Variants in DOCK10 observed in about 807,000 individuals in gnomAD.
DOCK10 encodes the protein dedicator of cytokinesis 10, also known as dedicator of cytokinesis protein 10.
Under a neutral mutation model 280.1 loss-of-function variants are expected in DOCK10, and 145 were observed. The observed-to-expected ratio is 0.52, with a 90% CI of 0.45 to 0.59. DOCK10 has a LOEUF of 0.59. Among genes scored for constraint, DOCK10 ranks in the 20% least tolerant of loss-of-function variants. The probability of loss-of-function intolerance (pLI) is 0.00; values close to 1 mark genes in which losing one functional copy is unlikely to be tolerated. For synonymous variants in DOCK10, 915 were observed against 942.2 expected (o/e 0.97, Z 0.53); for missense variants, 2,368 against 2,651.7 (o/e 0.89, Z 2.35).
At chr2:225,041,244 T>C (rs577430778) in intron 1 of DOCK10, among the ~76,000 whole-genome samples, 2 of 152,276 alleles carry the variant, frequency 1.3e-5, no homozygotes, top group East Asian at 1.9e-4. Flanking sequence ...AGCCGTTTAG[T>C]TCCTAATGAT....
intron 1 of DOCK10, among the ~76,000 whole-genome samples, chr2:224,956,850 T>G (rs995679116): frequency 3.3e-5 from 5 of 152,146 alleles, no homozygotes; most frequent in African/African-American, 2.4e-5. Context: ...CTTTTCCTAA[T>G]GTATACTCAG....
At chr2:224,817,855 G>T (rs947051022) in intron 29 of DOCK10, among the ~76,000 whole-genome samples, 1 of 152,182 alleles carries the variant, frequency 6.6e-6, no homozygotes, top group African/African-American at 2.4e-5. Flanking sequence ...GACGTGAAAG[G>T]CTGTAAGAAT....
intron 31 of DOCK10, among the ~76,000 whole-genome samples, chr2:224,812,037 C>T (rs901914158): frequency 1.2e-4 from 18 of 152,164 alleles, no homozygotes; most frequent in African/African-American, 4.3e-4. Context: ...TCATTGGTAG[C>T]TTGATGGGGA....
chr2:225,033,245 T>C (rs6711620), intron 1 of DOCK10, among the ~76,000 whole-genome samples: 42,754 of 151,788 alleles, frequency 0.28, 6,616 homozygotes, highest in African/African-American at 0.4. Flanking sequence ...TGCAGTGGCA[T>C]GATCTCAGCT....
Position 225,028,709 on chromosome 2 carries a change from G to A in DOCK10, c.123+13543C>T, listed in dbSNP as rs140480869. Among the ~76,000 whole-genome samples, 935 of 152,246 alleles carry A rather than the reference G, an allele frequency of 6.1e-3. 12 individuals are homozygous for A. The highest frequency in any genetic ancestry group is 0.022 in the African/African-American group (905 of 41,532). On this transcript the variant is annotated intron_variant, in intron 1 of 55. Transcript: ENST00000258390. ...AGTAATTCTGATCACTAGACTTTTG[G>A]CATAATGTCAGCTTACGAAAACAGC...
chr2:224,807,924 C>T lies in DOCK10; in HGVS notation c.3572G>A (p.Arg1191Gln), dbSNP rs367804674. Reference sequence around the variant, plus strand: ...AAGATCACTTACTGGCTCTCTGTATCGATCATCAAATGAATGCTTAGCCAT... The same window carrying T: ...AAGATCACTTACTGGCTCTCTGTATTGATCATCAAATGAATGCTTAGCCAT... ...NLMAKHSFDDRYREPRKQAQI... is the reference protein window; with the variant it reads ...NLMAKHSFDDQYREPRKQAQI... Residue 1191 changes from arginine (R) to glutamine (Q), a missense_variant, in exon 32 of 56, where the codon CGA (arginine) becomes CAA (glutamine). Around this residue, in one of 2 missense-constraint regions of DOCK10, gnomAD observed 1,159 missense variants for 1,400.8 expected, o/e 0.83. Transcript: ENST00000258390. 2.4e-5 allele frequency: 38 copies of T among 1,611,822 alleles called. No homozygotes were observed. The highest frequency in any genetic ancestry group is 2.9e-5 in the Non-Finnish European group (34 of 1,178,812).
In DOCK10 at chr2:225,031,251, C is replaced by T. The variant is rs554743855; in HGVS notation, c.123+11001G>A. On this transcript the variant is annotated intron_variant, in intron 1 of 55. Transcript: ENST00000258390. Reference sequence around the variant, plus strand: ...GGAAGTGGTGAAAGGTTATCTCTAGCACATCAGCCTCCCATTTCCATACTG... The same window carrying T: ...GGAAGTGGTGAAAGGTTATCTCTAGTACATCAGCCTCCCATTTCCATACTG... Among the ~76,000 whole-genome samples, 5 of 152,346 alleles carry T rather than the reference C, an allele frequency of 3.3e-5. No homozygotes were observed. In the East Asian group the frequency reaches 9.6e-4, roughly 29 times the overall value.
chr2:224,982,611 C>A (rs753370418), intron 1 of DOCK10: 2 of 720,474 alleles, frequency 2.8e-6, no homozygotes, highest in Admixed American at 6.3e-5. Flanking sequence ...AAGTATTTCT[C>A]AATTCACATC....
intron 1 of DOCK10, among the ~76,000 whole-genome samples, chr2:225,013,663 T>C (rs1237244112): frequency 6.6e-6 from 1 of 152,282 alleles, no homozygotes; most frequent in Non-Finnish European, 1.5e-5. Flanking sequence ...TGTGGGGCAA[T>C]GTACTCTATC....
rs374525367 is a variant in DOCK10 at position 224,876,027 on chromosome 2, T to C, written c.931+11A>G. Reference sequence around the variant, plus strand: ...GGACAAAGGAAGGAAGACGGCTTCATATGCTCTCACCCAGACCCAGATCAG... The same window carrying C: ...GGACAAAGGAAGGAAGACGGCTTCACATGCTCTCACCCAGACCCAGATCAG... On this transcript the variant is annotated intron_variant, in intron 8 of 55. Transcript: ENST00000258390. The C allele has an allele frequency of 2.7e-5, 43 of 1,605,854 alleles. No homozygotes were observed. In the African/African-American group the frequency reaches 3.2e-4, roughly 12 times the overall value.
chr2:225,018,643 ATAT>A lies in DOCK10; in HGVS notation c.123+23606_123+23608del, dbSNP rs1197742565. Among the ~76,000 whole-genome samples, 4 of 9,754 alleles carry A rather than the reference ATAT, an allele frequency of 4.1e-4. 2 individuals carry two copies. Among genetic ancestry groups the A allele is most frequent in the Non-Finnish European group, 1.6e-3 (4 of 2,514 alleles). 6.4% of individuals were successfully genotyped at this position (9,754 alleles called of 152,430 possible). A position where few individuals can be genotyped will look rare whatever the true frequency, so the allele number is the denominator to read the frequency against. Reference sequence around the variant, plus strand: ...ATATTATATATATAATATATATGTAATATTATATATATATAATATATATGTAAT... The same window carrying A: ...ATATTATATATATAATATATATGTAATATATATATATAATATATATGTAAT... On this transcript the variant is annotated intron_variant, in intron 1 of 55. Transcript: ENST00000258390.
At chr2:224,886,332 C>T in intron 5 of DOCK10, 127 bp downstream of exon 5, 2 of 1,459,414 alleles carry the variant, frequency 1.4e-6, no homozygotes, top group Non-Finnish European at 1.9e-6. Flanking sequence ...CTCATTTTGA[C>T]TAAAAGCCCT....
chr2:224,874,631 A>C, intron 9 of DOCK10, 35 bp downstream of exon 9: 1 of 1,566,980 alleles, frequency 6.4e-7, no homozygotes, highest in Non-Finnish European at 8.8e-7. Flanking sequence ...AAATAATTCA[A>C]ATTGGTTTTG....
At chr2:225,034,597 T>C (rs184362965) in intron 1 of DOCK10, among the ~76,000 whole-genome samples, 5 of 152,326 alleles carry the variant, frequency 3.3e-5, no homozygotes, top group Admixed American at 3.3e-4. Flanking sequence ...CCCACCCTTC[T>C]GACTTTCCTT....
intron 1 of DOCK10, among the ~76,000 whole-genome samples, chr2:224,960,970 C>T (rs1704345184): frequency 6.6e-6 from 1 of 151,816 alleles, no homozygotes. Flanking sequence ...GATCTCCTGA[C>T]CTCGTGATCC....
chr2:225,030,814 A>AT (rs1690055254), intron 1 of DOCK10, among the ~76,000 whole-genome samples: 1 of 152,208 alleles, frequency 6.6e-6, no homozygotes, highest in African/African-American at 2.4e-5. Context: ...AATGTATTGT[A>AT]TAAAGTTGTA....
chr2:224,934,882 T>G (rs544316559), intron 1 of DOCK10, among the ~76,000 whole-genome samples: 93 of 152,374 alleles, frequency 6.1e-4, no homozygotes, highest in Non-Finnish European at 1.1e-3. Context: ...GTAATGAATT[T>G]CATTAGCTGT....
At chr2:224,857,446 T>A (rs1312813253) in intron 14 of DOCK10, among the ~76,000 whole-genome samples, 1 of 152,168 alleles carries the variant, frequency 6.6e-6, no homozygotes, top group African/African-American at 2.4e-5. Context: ...CTTGACACAT[T>A]TTCATGGAGC....
rs959679156 is a variant in DOCK10 at position 224,969,444 on chromosome 2, T to C, written c.124-37776A>G. Among the ~76,000 whole-genome samples, 6 of 152,174 alleles carry C rather than the reference T, an allele frequency of 3.9e-5. 1 individual carries two copies. Among genetic ancestry groups the C allele is most frequent in the Non-Finnish European group, 8.8e-5 (6 of 68,034 alleles). On this transcript the variant is annotated intron_variant, in intron 1 of 55. Coordinates refer to ENST00000258390, the MANE Select transcript of DOCK10 (RefSeq NM_014689.3). ...GTTCATCATTTCTTTTTGTTATAGT[T>C]GTGCAAAAAGAAGACGAATTTGTGA...
Sources: allele counts gnomAD v4.1 joint callset (sites outside exome capture counted in the v4.1 genomes callset), GRCh38; gene constraint gnomAD v4.1.1; regional missense constraint gnomAD v4.1.1; transcripts MANE v1.5; gene names NCBI Gene and HGNC (gene_info 2026-07-23, HGNC 2026-07-21).